PCDHGA3: variants seen among roughly 807,000 people sequenced by gnomAD.
PCDHGA3 encodes protocadherin gamma subfamily A, 3, also known as protocadherin gamma-A3.
In PCDHGA3, 40 loss-of-function variants were observed where a neutral mutation model predicts 58.5. The ratio of observed to expected loss-of-function variants is 0.68; its 90% CI spans 0.53 to 0.89. The LOEUF (loss-of-function observed/expected upper bound fraction) is 0.89. Among genes scored for constraint, PCDHGA3 ranks in the 40% least tolerant of loss-of-function variants. The pLI is 0.00. For synonymous variants in PCDHGA3, 530 were observed against 525.7 expected (o/e 1.01, Z -0.11); for missense variants, 1,223 against 1,195.9 (o/e 1.02, Z -0.33).
chr5:141,361,000 A>C, intron 1 of PCDHGA3: 1 of 1,613,524 alleles, frequency 6.2e-7, no homozygotes, highest in Non-Finnish European at 8.5e-7. Flanking sequence ...CGAACAAGTG[A>C]AACACTTTTT....
chr5:141,505,413 C>G lies in PCDHGA3; in HGVS notation c.2504C>G (p.Thr835Ser). ...CCCAGCTCCCAAAATGGCGATGACA[C>G]CGGCACCTGGCCCAACAACCAGTTT... Reference protein sequence around the residue: ...GTSGSQNGDDTGTWPNNQFDT... With the variant: ...GTSGSQNGDDSGTWPNNQFDT... Residue 835 changes from threonine to serine, a missense_variant, in exon 3 of 4, where the codon ACC (threonine) becomes AGC (serine). Physicochemically the swap from Thr to Ser is moderately conservative, Grantham distance 58. Around this residue, in one of 3 missense-constraint regions of PCDHGA3, gnomAD observed 325 missense variants for 327.5 expected, o/e 0.99. Coordinates refer to ENST00000253812, the MANE Select transcript of PCDHGA3 (RefSeq NM_018916.4). 2.5e-6 allele frequency: 4 copies of G among 1,614,202 alleles called. No individual in the cohort carries two copies. In the South Asian group the frequency reaches 4.4e-5, roughly 18 times the overall value.
chr5:141,431,622 C>T lies in PCDHGA3; in HGVS notation c.2425-63185C>T, dbSNP rs761448407. 3 of 1,614,070 alleles carry T rather than the reference C, an allele frequency of 1.9e-6. No individual in the cohort carries two copies. The African/African-American group carries it at 4.0e-5, about 22-fold the overall frequency. ...TCCTTCCGGTATGTGGACGACAAGGCGGCCCAAGTTTTCAAACTAGATTGT... is the reference window on the plus strand; with the variant it reads ...TCCTTCCGGTATGTGGACGACAAGGTGGCCCAAGTTTTCAAACTAGATTGT... On this transcript the variant is annotated intron_variant, in intron 1 of 3. Transcript: ENST00000253812. The surrounding 1 kb of genome is among the most constrained non-coding windows in gnomAD (Gnocchi z 4.8).
chr5:141,381,459 T>C (rs565448473), intron 1 of PCDHGA3, among the ~76,000 whole-genome samples: 2 of 152,378 alleles, frequency 1.3e-5, no homozygotes, highest in South Asian at 4.1e-4. Flanking sequence ...TGCATTTTGC[T>C]CAAATGCTGT....
At position 141,490,440 on chromosome 5, in the gene PCDHGA3, T is replaced by C. The variant is rs560525159; in HGVS notation, c.2425-4367T>C. On this transcript the variant is annotated intron_variant, in intron 1 of 3. Transcript: ENST00000253812. This position sits in a 1 kb window ranked among gnomAD's most constrained non-coding sequence, Gnocchi z 5.4. ...ACCTGCCATTTCAGATTAAGCCTTC[T>C]GAGAACCACTACTCGCTGCTAACCA... 7 of 1,614,206 alleles carry C rather than the reference T, an allele frequency of 4.3e-6. No homozygotes were observed. Among genetic ancestry groups the C allele is most frequent in the Non-Finnish European group, 5.9e-6 (7 of 1,180,040 alleles).
chr5:141,348,015 C>T (rs941170877), intron 1 of PCDHGA3, among the ~76,000 whole-genome samples: 1 of 152,164 alleles, frequency 6.6e-6, no homozygotes, highest in African/African-American at 2.4e-5. Flanking sequence ...CGGGAGATTT[C>T]CAGACAATCT....
At chr5:141,375,620 A>T in intron 1 of PCDHGA3, 1 of 1,614,156 alleles carries the variant, frequency 6.2e-7, no homozygotes, top group African/African-American at 1.3e-5. Flanking sequence ...CGACACTGGG[A>T]TTCTGTACGC....
chr5:141,378,647 G>A lies in PCDHGA3; in HGVS notation c.2424+32190G>A, dbSNP rs576972610. On this transcript the variant is annotated intron_variant, in intron 1 of 3. Coordinates refer to ENST00000253812, the MANE Select transcript of PCDHGA3 (RefSeq NM_018916.4). Reference sequence around the variant, plus strand: ...CTGACTGGTGAATGGGAGAACAAATGTTAATGAGGTTCAAATAAAAATTTA... The same window carrying A: ...CTGACTGGTGAATGGGAGAACAAATATTAATGAGGTTCAAATAAAAATTTA... 11 of 152,304 alleles carry A rather than the reference G, an allele frequency of 7.2e-5. No homozygotes were observed. The East Asian group carries it at 1.9e-3, about 27-fold the overall frequency. 9.4% of individuals were successfully genotyped at this position (152,304 alleles called of 1,614,324 possible).
rs749822569 is a variant in PCDHGA3, at chr5:141,371,950, C to G, written c.2424+25493C>G. On this transcript the variant is annotated intron_variant, in intron 1 of 3. Coordinates refer to ENST00000253812, the MANE Select transcript of PCDHGA3 (RefSeq NM_018916.4). Reference sequence around the variant, plus strand: ...AGCGGGGTGGTGTTCGCGCAGCGAGCCTTCGACCACGAGCAGCTGCGTGCC... The same window carrying G: ...AGCGGGGTGGTGTTCGCGCAGCGAGGCTTCGACCACGAGCAGCTGCGTGCC... 3.1e-6 allele frequency: 5 copies of G among 1,613,168 alleles called. No homozygotes were observed. The highest frequency in any genetic ancestry group is 4.2e-6 in the Non-Finnish European group (5 of 1,179,884).
At chr5:141,393,201 A>C in intron 1 of PCDHGA3, 1 of 1,613,534 alleles carries the variant, frequency 6.2e-7, no homozygotes, top group Admixed American at 1.7e-5. Context: ...TAACGATAAT[A>C]ACCCAAAATT....
At position 141,431,525 on chromosome 5, in the gene PCDHGA3, G is replaced by A. The variant is rs1390184616; in HGVS notation, c.2425-63282G>A. The A allele has an allele frequency of 5.6e-6, 9 of 1,613,956 alleles. No individual in the cohort carries two copies. Among genetic ancestry groups the A allele is most frequent in the Non-Finnish European group, 7.6e-6 (9 of 1,180,044 alleles). ...CCGCGCGAGCGTTCCGGAGAATCTG[G>A]CCTTGGGCACGCAGCTGCTTGTAGT... On this transcript the variant is annotated intron_variant, in intron 1 of 3. Transcript: ENST00000253812. This position sits in a 1 kb window ranked among gnomAD's most constrained non-coding sequence, Gnocchi z 4.8.
intron 1 of PCDHGA3, among the ~76,000 whole-genome samples, chr5:141,446,777 C>CTT (rs1480571336): frequency 1.3e-5 from 2 of 152,072 alleles, no homozygotes; most frequent in Non-Finnish European, 2.9e-5. Flanking sequence ...GGTTACCATT[C>CTT]TTTTACTCTG....
intron 1 of PCDHGA3, among the ~76,000 whole-genome samples, chr5:141,407,680 C>A (rs2094967585): frequency 6.6e-6 from 1 of 151,942 alleles, no homozygotes; most frequent in Non-Finnish European, 1.5e-5. Flanking sequence ...CAAAGATTGG[C>A]TTTGTGGTGA....
intron 1 of PCDHGA3, chr5:141,360,053 A>G: frequency 6.9e-7 from 1 of 1,439,336 alleles, no homozygotes; most frequent in Non-Finnish European, 9.2e-7. Flanking sequence ...AAACAAAAGC[A>G]GGAAAAGTGA....
Position 141,370,437 on chromosome 5 carries a change from C to A in PCDHGA3, c.2424+23980C>A, listed in dbSNP as rs770648794. ...ATGGAGGGGCCCAGCAGGGCAGAGG[C>A]GAATGCTATTTCTCTTCCTGCTCTC... On this transcript the variant is annotated intron_variant, in intron 1 of 3. Coordinates refer to ENST00000253812, the MANE Select transcript of PCDHGA3 (RefSeq NM_018916.4). 1.6e-5 allele frequency: 26 copies of A among 1,603,674 alleles called. No individual in the cohort carries two copies. In the East Asian group the frequency reaches 5.6e-4, roughly 34 times the overall value.
chr5:141,380,638 T>G (rs1776626783), intron 1 of PCDHGA3, among the ~76,000 whole-genome samples: 1 of 152,254 alleles, frequency 6.6e-6, no homozygotes, highest in Non-Finnish European at 1.5e-5. Context: ...AAAATGTGAA[T>G]GCTAGAGACA....
At position 141,345,089 on chromosome 5, in the gene PCDHGA3, C is replaced by T. The variant is rs780908329; in HGVS notation, c.1056C>T (p.Leu352=). The T allele has an allele frequency of 1.9e-6, 3 of 1,613,968 alleles. No homozygotes were observed. The highest frequency in any genetic ancestry group is 3.3e-5 in the Admixed American group (2 of 60,018). ...DNAPEITITS[L]TSSVPEEGTV... is the part of the protein sequence containing the mutation. ...CTCCAGAAATTACAATCACGTCTCTCACAAGCTCAGTCCCAGAAGAGGGCA... is the reference window on the plus strand; with the variant it reads ...CTCCAGAAATTACAATCACGTCTCTTACAAGCTCAGTCCCAGAAGAGGGCA... The change falls in exon 1 of 4, where the codon CTC becomes CTT. Residue 352 remains leucine, a synonymous_variant. Transcript: ENST00000253812.
chr5:141,365,416 C>G, intron 1 of PCDHGA3: 1 of 1,613,930 alleles, frequency 6.2e-7, no homozygotes, highest in Non-Finnish European at 8.5e-7. Context: ...ACTGTCTTCC[C>G]GGAACTGTAA....
intron 1 of PCDHGA3, among the ~76,000 whole-genome samples, chr5:141,347,210 G>A (rs142266439): frequency 1.5e-5 from 2 of 133,888 alleles, no homozygotes; most frequent in East Asian, 4.2e-4. Flanking sequence ...CTGGAGTGCA[G>A]TGGCATGATC....
intron 1 of PCDHGA3, chr5:141,375,003 TA>T: frequency 6.2e-7 from 1 of 1,614,054 alleles, no homozygotes; most frequent in Non-Finnish European, 8.5e-7. Flanking sequence ...TCTGCAAATC[TA>T]GACTATGAGG....
Sources: gnomAD v4.1 joint callset for allele counts (sites outside exome capture counted in the v4.1 genomes callset) on GRCh38, gnomAD v4.1.1 for gene constraint, gnomAD v4.1.1 regional missense constraint, Gnocchi (gnomAD v3.1) non-coding constraint, MANE v1.5 for transcripts, NCBI Gene and HGNC (gene_info 2026-07-23, HGNC 2026-07-21) for gene names.